Variants in GMDS observed in about 807,000 individuals in gnomAD.
GMDS encodes the protein GDP-mannose 4,6-dehydratase, also known as GDP-mannose 4,6 dehydratase.
GMDS carries 20 observed loss-of-function variants against 49.9 expected under a neutral mutation model. The ratio of observed to expected loss-of-function variants is 0.40; its 90% confidence interval spans 0.28 to 0.58. GMDS has a LOEUF of 0.58. GMDS is among the 20% of genes least tolerant of loss of function. The pLI, the probability that GMDS is intolerant of heterozygous loss-of-function variation, is 0.42. For missense variants in GMDS, 362 were observed against 481.4 expected (o/e 0.75, Z 2.32); for synonymous variants, 177 against 178.6 (o/e 0.99, Z 0.07).
At position 1,815,856 on chromosome 6, in the gene GMDS, A is replaced by G. The variant is rs537735354; in HGVS notation, c.772-73270T>C. On this transcript the variant is annotated intron_variant, in intron 7 of 10. Transcript: ENST00000380815. ...TGTTTTACACCTTATCCTGATGTCA[A>G]TTCTTGTTTTCACTCTTCCAGATTT... 2.0e-5 allele frequency among the ~76,000 whole-genome samples: 3 copies of G among 152,298 alleles called. No homozygotes were observed. The South Asian group carries it at 6.2e-4, about 32-fold the overall frequency.
At chr6:2,062,546 C>A (rs1771247230) in intron 4 of GMDS, among the ~76,000 whole-genome samples, 1 of 152,126 alleles carries the variant, frequency 6.6e-6, no homozygotes, top group African/African-American at 2.4e-5. Flanking sequence ...AAAAAATCCT[C>A]ATGCCATAAT....
intron 4 of GMDS, among the ~76,000 whole-genome samples, chr6:2,072,452 T>C (rs909226510): frequency 9.2e-5 from 14 of 152,224 alleles, no homozygotes; most frequent in Non-Finnish European, 1.9e-4. Context: ...CTCCAAAATA[T>C]GCTGGAATTT....
chr6:1,699,165 T>G (rs6596840), intron 9 of GMDS, among the ~76,000 whole-genome samples: 176 of 151,976 alleles, frequency 1.2e-3, no homozygotes, highest in African/African-American at 3.9e-3. Context: ...CTGTCCCCCA[T>G]GGAGGCATGG....
chr6:1,953,500 A>C (rs1016273281), intron 6 of GMDS, among the ~76,000 whole-genome samples: 1 of 152,196 alleles, frequency 6.6e-6, no homozygotes, highest in Non-Finnish European at 1.5e-5. Flanking sequence ...CTTAATTTAG[A>C]ATACACTCAT....
intron 4 of GMDS, among the ~76,000 whole-genome samples, chr6:2,084,508 T>C (rs946955736): frequency 1.3e-5 from 2 of 151,980 alleles, no homozygotes; most frequent in African/African-American, 4.8e-5. Context: ...ATAAAACTCT[T>C]TTTTTTTCTT....
chr6:2,171,656 G>T (rs1778011485), intron 1 of GMDS, among the ~76,000 whole-genome samples: 1 of 151,940 alleles, frequency 6.6e-6, no homozygotes, highest in African/African-American at 2.4e-5. Context: ...GATAGCACAG[G>T]GAACAAAAAA....
chr6:1,914,130 TG>T (rs1157380802), intron 7 of GMDS, among the ~76,000 whole-genome samples: 44 of 134,990 alleles, frequency 3.3e-4, no homozygotes, highest in African/African-American at 5.0e-4. Context: ...GTTTTTTGTT[TG>T]TTTTTTTTTT....
At chr6:1,986,968 T>G (rs1266064046) in intron 4 of GMDS, among the ~76,000 whole-genome samples, 1 of 152,184 alleles carries the variant, frequency 6.6e-6, no homozygotes, top group East Asian at 1.9e-4. Context: ...CTATTCTCTT[T>G]ATTTCACACT....
chr6:1,928,697 G>A (rs997112519), intron 7 of GMDS, among the ~76,000 whole-genome samples: 2 of 152,126 alleles, frequency 1.3e-5, no homozygotes, highest in South Asian at 2.1e-4. Flanking sequence ...GGCTGGGCAC[G>A]GTGGCTCATC....
At chr6:1,652,880 A>G (rs1312601186) in intron 9 of GMDS, among the ~76,000 whole-genome samples, 1 of 141,548 alleles carries the variant, frequency 7.1e-6, no homozygotes, top group East Asian at 2.1e-4. Flanking sequence ...ACAGGCTGCC[A>G]CACTCATGTG....
At chr6:1,861,982 C>T (rs746174852) in intron 7 of GMDS, among the ~76,000 whole-genome samples, 9 of 152,278 alleles carry the variant, frequency 5.9e-5, no homozygotes, top group South Asian at 4.2e-4. Flanking sequence ...AAGAGAACAA[C>T]GGAATTACCC....
chr6:1,737,691 TACAC>T (rs560070555), intron 8 of GMDS, among the ~76,000 whole-genome samples: 202 of 114,054 alleles, frequency 1.8e-3, no homozygotes, highest in Admixed American at 2.7e-3. Context: ...CACACATACA[TACAC>T]ACACACGCAC....
At chr6:1,708,209 A>C (rs1765806865) in intron 9 of GMDS, among the ~76,000 whole-genome samples, 1 of 152,250 alleles carries the variant, frequency 6.6e-6, no homozygotes, top group African/African-American at 2.4e-5. Flanking sequence ...GAAAAGCGTG[A>C]AACAAAATGC....
At chr6:2,054,451 T>A (rs1280346330) in intron 4 of GMDS, among the ~76,000 whole-genome samples, 1 of 152,126 alleles carries the variant, frequency 6.6e-6, no homozygotes, top group Non-Finnish European at 1.5e-5. Context: ...TTTATGAATT[T>A]GCAAGCTCCA....
rs1561961570 is a variant in GMDS, at chr6:1,999,958, A to ATTATATATATATT, written c.346-39005_346-38993dup. 2.3e-3 allele frequency among the ~76,000 whole-genome samples: 47 copies of ATTATATATATATT among 20,636 alleles called. 1 individual carries two copies. Among genetic ancestry groups the ATTATATATATATT allele is most frequent in the African/African-American group, 6.0e-3 (46 of 7,662 alleles). The allele number at this position is 20,636 out of a possible 152,430, so 13.5% of individuals were successfully genotyped here. A position where few individuals can be genotyped will look rare whatever the true frequency, so the allele number is the denominator to read the frequency against. On this transcript the variant is annotated intron_variant, in intron 4 of 10. Coordinates refer to ENST00000380815, the MANE Select transcript of GMDS (RefSeq NM_001500.4). ...ATTATATATAATATATAATATGTAT[A>ATTATATATATATT]TTATATATATATTATATATATATTT...
At chr6:2,241,995 G>A (rs1199700088) in intron 1 of GMDS, among the ~76,000 whole-genome samples, 2 of 152,174 alleles carry the variant, frequency 1.3e-5, no homozygotes, top group Non-Finnish European at 2.9e-5. Flanking sequence ...GAAGGCATGT[G>A]GGAGGTAACA....
intron 9 of GMDS, among the ~76,000 whole-genome samples, chr6:1,698,530 A>C (rs991127404): frequency 1.4e-4 from 22 of 152,224 alleles, no homozygotes; most frequent in Admixed American, 1.3e-3. Context: ...GCTTATTAGA[A>C]AAATACACAG....
chr6:2,110,070 C>T (rs1184004047), intron 4 of GMDS, among the ~76,000 whole-genome samples: 2 of 152,178 alleles, frequency 1.3e-5, no homozygotes, highest in African/African-American at 2.4e-5. Context: ...TAGGCTACCC[C>T]CTATCCTTAC....
At chr6:2,175,953 G>C in intron 1 of GMDS, 7 of 1,516,466 alleles carry the variant, frequency 4.6e-6, no homozygotes, top group Non-Finnish European at 6.2e-6. Context: ...TGAGGAACCA[G>C]AGGCAATGGT....
Sources: allele counts gnomAD v4.1 joint callset (sites outside exome capture counted in the v4.1 genomes callset), GRCh38; gene constraint gnomAD v4.1.1; transcripts MANE v1.5; gene names NCBI Gene and HGNC (gene_info 2026-07-23, HGNC 2026-07-21).